GALNT7: variants seen among roughly 807,000 people sequenced by gnomAD.
GALNT7 encodes N-acetylgalactosaminyltransferase 7.
A neutral mutation model predicts 82.1 loss-of-function variants in GALNT7; 60 were observed. The ratio of observed to expected loss-of-function variants is 0.73; its 90% CI spans 0.59 to 0.91. GALNT7 has a LOEUF of 0.91. Ranked by LOEUF, GALNT7 falls within the 40% of genes least tolerant of loss-of-function variation. The pLI is 0.00. For synonymous variants in GALNT7, 243 were observed against 275.1 expected (o/e 0.88, Z 1.15); for missense variants, 660 against 804.2 (o/e 0.82, Z 2.17).
At position 173,265,580 on chromosome 4, in the gene GALNT7, C is replaced by T. The variant is rs1015063791; in HGVS notation, c.587+17140C>T. 4.8e-5 allele frequency among the ~76,000 whole-genome samples: 7 copies of T among 146,278 alleles called. No homozygotes were observed. In the South Asian group the frequency reaches 6.7e-4, roughly 14 times the overall value. ...GCTGTTTTACTAGCAGTGATGGTGGCGTAAGCATCTCTCTCTCTCTCTCTC... is the reference window on the plus strand; with the variant it reads ...GCTGTTTTACTAGCAGTGATGGTGGTGTAAGCATCTCTCTCTCTCTCTCTC... On this transcript the variant is annotated intron_variant, in intron 2 of 11. Transcript: ENST00000265000.
chr4:173,203,934 C>A (rs1283700838), intron 1 of GALNT7, among the ~76,000 whole-genome samples: 1 of 152,092 alleles, frequency 6.6e-6, no homozygotes, highest in Non-Finnish European at 1.5e-5. Context: ...AAGTTTTATG[C>A]TTTCATATGT....
intron 1 of GALNT7, among the ~76,000 whole-genome samples, chr4:173,211,768 C>CT (rs1452821378): frequency 1.3e-5 from 2 of 152,126 alleles, no homozygotes; most frequent in African/African-American, 4.8e-5. Context: ...TTCTTGATAC[C>CT]TTTTAGACTC....
intron 1 of GALNT7, among the ~76,000 whole-genome samples, chr4:173,184,964 T>C (rs186688673): frequency 2.6e-5 from 4 of 152,326 alleles, no homozygotes; most frequent in Admixed American, 2.0e-4. Context: ...GGTTCCTGAT[T>C]TATTTCTGGT....
chr4:173,171,511 T>A (rs1159281135), intron 1 of GALNT7, among the ~76,000 whole-genome samples: 2 of 152,256 alleles, frequency 1.3e-5, no homozygotes, highest in Admixed American at 1.3e-4. Flanking sequence ...TATGAATATG[T>A]CATACACTAA....
At chr4:173,233,330 T>A (rs1267172687) in intron 1 of GALNT7, among the ~76,000 whole-genome samples, 1 of 152,244 alleles carries the variant, frequency 6.6e-6, no homozygotes, top group Non-Finnish European at 1.5e-5. Flanking sequence ...CCATAATGGC[T>A]GTTGTAACTT....
chr4:173,180,054 G>A (rs952692094), intron 1 of GALNT7, among the ~76,000 whole-genome samples: 2 of 152,032 alleles, frequency 1.3e-5, no homozygotes, highest in South Asian at 2.1e-4. Context: ...ATTTTGCCAG[G>A]ATATATAAAA....
chr4:173,301,988 T>C (rs1274019746), intron 6 of GALNT7, 59 bp from the exon 7 acceptor site: 2 of 791,924 alleles, frequency 2.5e-6, no homozygotes, highest in Non-Finnish European at 4.4e-6. Flanking sequence ...TCTTGCCTAT[T>C]GGTGAAGGGT....
chr4:173,178,083 G>A (rs1284407568), intron 1 of GALNT7, among the ~76,000 whole-genome samples: 1 of 147,490 alleles, frequency 6.8e-6, no homozygotes, highest in Non-Finnish European at 1.5e-5. Flanking sequence ...AGACACCTAT[G>A]TATATATATT....
Position 173,268,530 on chromosome 4 carries a change from G to GTTTTTT in GALNT7, c.587+20112_587+20117dup, listed in dbSNP as rs60894562. On this transcript the variant is annotated intron_variant, in intron 2 of 11. Coordinates refer to ENST00000265000, the MANE Select transcript of GALNT7 (RefSeq NM_017423.3). ...AAATAGGACACTTGTTTTCTCTCTC[G>GTTTTTT]TTTTTTTTTTTTTTTTTTTTTTTTT... Among the ~76,000 whole-genome samples, 8 of 52,364 alleles carry GTTTTTT rather than the reference G, an allele frequency of 1.5e-4. 2 individuals are homozygous for GTTTTTT. Among genetic ancestry groups the GTTTTTT allele is most frequent in the Admixed American group, 1.4e-3 (4 of 2,896 alleles). The allele number at this position is 52,364 out of a possible 152,430, so 34.4% of individuals were successfully genotyped here. A position where few individuals can be genotyped will look rare whatever the true frequency, so the allele number is the denominator to read the frequency against.
At chr4:173,269,005 T>A (rs1202778557) in intron 2 of GALNT7, among the ~76,000 whole-genome samples, 1 of 152,060 alleles carries the variant, frequency 6.6e-6, no homozygotes, top group Non-Finnish European at 1.5e-5. Context: ...CACAGAAATA[T>A]TTACTATATA....
chr4:173,181,142 G>A (rs1286765895), intron 1 of GALNT7, among the ~76,000 whole-genome samples: 1 of 152,174 alleles, frequency 6.6e-6, no homozygotes, highest in Non-Finnish European at 1.5e-5. Flanking sequence ...CTTTACACAT[G>A]CAGATTTTTC....
intron 1 of GALNT7, among the ~76,000 whole-genome samples, chr4:173,187,613 C>G (rs1732500716): frequency 6.6e-6 from 1 of 152,174 alleles, no homozygotes; most frequent in South Asian, 2.1e-4. Context: ...GTGGCAGTTA[C>G]TTGTTTCACT....
chr4:173,295,973 C>G (rs1736705089), intron 5 of GALNT7, 130 bp downstream of exon 5: 3 of 660,190 alleles, frequency 4.5e-6, no homozygotes, highest in Admixed American at 4.7e-5. Context: ...TATCCCTCAT[C>G]TATTTGTTTC....
chr4:173,191,644 A>G (rs1195227879), intron 1 of GALNT7, among the ~76,000 whole-genome samples: 1 of 152,208 alleles, frequency 6.6e-6, no homozygotes, highest in African/African-American at 2.4e-5. Flanking sequence ...GGTATGTACA[A>G]GATTGAGTAG....
At chr4:173,284,247 TTG>T (rs1736227046) in intron 2 of GALNT7, among the ~76,000 whole-genome samples, 1 of 152,202 alleles carries the variant, frequency 6.6e-6, no homozygotes, top group African/African-American at 2.4e-5. Context: ...AAACCATTTT[TTG>T]AAGAAGATTA....
intron 1 of GALNT7, among the ~76,000 whole-genome samples, chr4:173,238,322 T>C (rs1343107001): frequency 6.6e-6 from 1 of 152,210 alleles, no homozygotes; most frequent in African/African-American, 2.4e-5. Context: ...TTTTGTGTAA[T>C]TTATGATATC....
At position 173,321,736 on chromosome 4, in the gene GALNT7, A is replaced by AT. The variant is rs1554030692; in HGVS notation, c.*20dup. The AT allele has an allele frequency of 6.4e-7, 1 of 1,567,306 alleles. No homozygotes were observed. The highest frequency in any genetic ancestry group is 8.8e-7 in the Non-Finnish European group (1 of 1,139,272). ...TGTTTAGAGAGAAAAAAATAAACCA[A>AT]TAACCTACCTACTGACAAGTAAATT... On this transcript the variant is annotated 3_prime_UTR_variant, in exon 12 of 12. Coordinates refer to ENST00000265000, the MANE Select transcript of GALNT7 (RefSeq NM_017423.3).
In GALNT7 at chr4:173,283,641, A is replaced by C. The variant is rs201427453; in HGVS notation, c.588-8467A>C. ...ACAGAGCGAAACTCTGTCTGAAAAA[A>C]AAAAAAAAAAAAGAAAGTGACATTC... is the stretch of plus-strand genomic sequence containing the variant. On this transcript the variant is annotated intron_variant, in intron 2 of 11. Coordinates refer to ENST00000265000, the MANE Select transcript of GALNT7 (RefSeq NM_017423.3). Among the ~76,000 whole-genome samples the C allele has an allele frequency of 3.9e-5, 6 of 151,920 alleles. No individual in the cohort carries two copies. In the East Asian group the frequency reaches 1.2e-3, roughly 29 times the overall value.
At chr4:173,252,860 A>G (rs2126747979) in intron 2 of GALNT7, among the ~76,000 whole-genome samples, 1 of 152,278 alleles carries the variant, frequency 6.6e-6, no homozygotes, top group Non-Finnish European at 1.5e-5. Flanking sequence ...AGGTATTTTA[A>G]TAATGTGGTT....
Sources: allele counts gnomAD v4.1 joint callset (sites outside exome capture counted in the v4.1 genomes callset), GRCh38; gene constraint gnomAD v4.1.1; transcripts MANE v1.5; gene names NCBI Gene and HGNC (gene_info 2026-07-23, HGNC 2026-07-21).